Variants in NF1 observed in about 807,000 individuals in gnomAD.
NF1 encodes neurofibromin 1.
NF1 carries 122 observed loss-of-function variants against 325.7 expected under a neutral mutation model. The observed-to-expected ratio is 0.37, with a 90% confidence interval of 0.32 to 0.44. NF1 has a LOEUF of 0.44. NF1 is among the 20% of genes least tolerant of loss of function. NF1 has a pLI of 1.00. For synonymous variants in NF1, 1,091 were observed against 1,186.0 expected (o/e 0.92, Z 1.65); for missense variants, 2,140 against 3,415.4 (o/e 0.63, Z 9.31).
chr17:31,147,043 C>A (rs1916632780), intron 1 of NF1, among the ~76,000 whole-genome samples: 1 of 152,204 alleles, frequency 6.6e-6, no homozygotes. Context: ...TTTTTATTAT[C>A]ATTATTCATT....
intron 1 of NF1, among the ~76,000 whole-genome samples, chr17:31,128,184 T>G (rs1948922397): frequency 6.6e-6 from 1 of 151,262 alleles, no homozygotes; most frequent in African/African-American, 2.4e-5. Context: ...ATTCCTGAGC[T>G]CAAGTGATCC....
intron 3 of NF1, 126 bp downstream of exon 3, chr17:31,159,219 T>A: frequency 1.4e-6 from 1 of 702,598 alleles, no homozygotes. Flanking sequence ...CATATAAATA[T>A]GAGTTTTGTT....
intron 5 of NF1, among the ~76,000 whole-genome samples, chr17:31,173,104 A>T (rs1427591507): frequency 1.3e-5 from 2 of 151,694 alleles, no homozygotes; most frequent in African/African-American, 4.8e-5. Flanking sequence ...AACATGGGGA[A>T]ACTCCGTCTC....
At position 31,356,829 on chromosome 17, in the gene NF1, T is replaced by C. The variant is rs977264654; in HGVS notation, c.7739-131T>C. Reference sequence around the variant, plus strand: ...CTTTTGTGTAGGCGAATAGTAATTCTCTATGATGTTTATGTTAGTATTTTA... The same window carrying C: ...CTTTTGTGTAGGCGAATAGTAATTCCCTATGATGTTTATGTTAGTATTTTA... On this transcript the variant is annotated intron_variant, in intron 52 of 57. Transcript: ENST00000358273. 6.6e-6 allele frequency: 9 copies of C among 1,371,690 alleles called. No individual in the cohort carries two copies. The African/African-American group carries it at 1.0e-4, about 15-fold the overall frequency. The allele number at this position is 1,371,690 out of a possible 1,614,324, so 85.0% of individuals were successfully genotyped here.
At chr17:31,115,172 T>C (rs1913790356) in intron 1 of NF1, among the ~76,000 whole-genome samples, 1 of 152,126 alleles carries the variant, frequency 6.6e-6, no homozygotes, top group Non-Finnish European at 1.5e-5. Flanking sequence ...TTTTTAATTG[T>C]TATGACTTTC....
chr17:31,236,538 C>T (rs986290082), intron 29 of NF1, among the ~76,000 whole-genome samples: 2 of 152,002 alleles, frequency 1.3e-5, no homozygotes, highest in African/African-American at 2.4e-5. Flanking sequence ...CTCCCAGGTT[C>T]GTGTGATTCT....
intron 1 of NF1, among the ~76,000 whole-genome samples, chr17:31,111,455 A>C (rs1181669324): frequency 2.0e-5 from 3 of 152,190 alleles, no homozygotes; most frequent in Admixed American, 6.5e-5. Flanking sequence ...AGCATATCTT[A>C]ATGGAACTGT....
At chr17:31,289,635 A>T (rs2068308639) in intron 36 of NF1, among the ~76,000 whole-genome samples, 1 of 152,134 alleles carries the variant, frequency 6.6e-6, no homozygotes, top group South Asian at 2.1e-4. Flanking sequence ...TTCACACTTT[A>T]AAAAACTCTT....
chr17:31,214,114 A>C (rs1243495723), intron 12 of NF1, among the ~76,000 whole-genome samples: 1 of 152,116 alleles, frequency 6.6e-6, no homozygotes, highest in Non-Finnish European at 1.5e-5. Flanking sequence ...TATAGGCCAA[A>C]TCTTTTTTCC....
intron 31 of NF1, among the ~76,000 whole-genome samples, chr17:31,256,024 CTTTTAAAATAATCTA>C (rs1225404146): frequency 6.6e-6 from 1 of 152,068 alleles, no homozygotes; most frequent in Non-Finnish European, 1.5e-5. Context: ...GATGCTAATT[CTTTTAAAATAATCTA>C]TTTTAAAATA....
intron 8 of NF1, among the ~76,000 whole-genome samples, chr17:31,190,988 T>C (rs1270593878): frequency 6.6e-6 from 1 of 152,244 alleles, no homozygotes; most frequent in Non-Finnish European, 1.5e-5. Context: ...CATTTTAGAA[T>C]GTATAAGTTT....
rs1597848100 is a variant in NF1, at chr17:31,340,583, G to C, written c.7000G>C (p.Gly2334Arg). Residue 2334 changes from glycine to arginine, a missense_variant, in exon 47 of 58, where the codon GGT (glycine) becomes CGT (arginine). Physicochemically the swap from Gly to Arg is moderately radical, Grantham distance 125. Transcript: ENST00000358273. ...QLDEVNLYSA[G>R]TALLEQNLHT... is the part of the protein sequence containing the mutation. Reference sequence around the variant, plus strand: ...TGATGAGGTCAACTTGTATTCAGCAGGTACCGCACTTCTTGAACAAAACCT... The same window carrying C: ...TGATGAGGTCAACTTGTATTCAGCACGTACCGCACTTCTTGAACAAAACCT... 6.2e-7 allele frequency: 1 copy of C among 1,614,040 alleles called. No individual in the cohort carries two copies. The highest frequency in any genetic ancestry group is 8.5e-7 in the Non-Finnish European group (1 of 1,180,002).
In NF1 at chr17:31,259,067, A is replaced by T. The variant is rs876659577; in HGVS notation, c.4368A>T (p.Thr1456=). The stretch of plus-strand genomic sequence containing the variant: ...GTATTGCCAATCATGTTCTCTTCAC[A>T]AAAGAAGAACATATGCGGCCTTTCA... The part of the protein sequence containing the change: ...LQSIANHVLF[T]KEEHMRPFND... The change falls in exon 33 of 58, where the codon ACA becomes ACT. Residue 1456 remains threonine (T), a synonymous_variant. Transcript: ENST00000358273. 1.2e-6 allele frequency: 2 copies of T among 1,604,542 alleles called. No individual in the cohort carries two copies. The highest frequency in any genetic ancestry group is 2.7e-5 in the African/African-American group (2 of 74,932).
At chr17:31,261,948 C>T (rs1335699782) in intron 35 of NF1, 91 bp downstream of exon 35, 1 of 1,273,040 alleles carries the variant, frequency 7.9e-7, no homozygotes, top group Non-Finnish European at 1.1e-6. Context: ...TGATAGAAGA[C>T]TATGAGGAAA....
intron 17 of NF1, among the ~76,000 whole-genome samples, chr17:31,226,013 C>T (rs553645675): frequency 6.6e-6 from 1 of 152,084 alleles, no homozygotes; most frequent in South Asian, 2.1e-4. Context: ...TTTATTACTT[C>T]CCTATAGCAA....
At chr17:31,281,825 G>A (rs528375991) in intron 36 of NF1, among the ~76,000 whole-genome samples, 79 of 152,200 alleles carry the variant, frequency 5.2e-4, no homozygotes, top group African/African-American at 1.9e-3. Flanking sequence ...GGAGACTGAG[G>A]TTGGGAGAGT....
intron 50 of NF1, among the ~76,000 whole-genome samples, chr17:31,351,348 G>T (rs1444066488): frequency 6.6e-6 from 1 of 151,996 alleles, no homozygotes; most frequent in Non-Finnish European, 1.5e-5. Context: ...AAATATATGA[G>T]GTAACACATA....
At chr17:31,155,288 G>T (rs1195672799) in intron 1 of NF1, among the ~76,000 whole-genome samples, 1 of 152,168 alleles carries the variant, frequency 6.6e-6, no homozygotes, top group Non-Finnish European at 1.5e-5. Flanking sequence ...TGAACTTCTA[G>T]ACAGTGGAAC....
chr17:31,253,148 A>C (rs1186050554), intron 31 of NF1, 148 bp downstream of exon 31: 2 of 662,152 alleles, frequency 3.0e-6, no homozygotes, highest in Non-Finnish European at 5.4e-6. Flanking sequence ...CTTTCATTTC[A>C]ATTAACCCTG....
Sources: allele counts gnomAD v4.1 joint callset (sites outside exome capture counted in the v4.1 genomes callset), GRCh38; gene constraint gnomAD v4.1.1; transcripts MANE v1.5; gene names NCBI Gene and HGNC (gene_info 2026-07-23, HGNC 2026-07-21).